HIVEP2: variants seen among roughly 807,000 people sequenced by gnomAD.
HIVEP2 encodes HIVEP zinc finger 2, also known as transcription factor HIVEP2.
In HIVEP2, 14 loss-of-function variants were observed where a neutral mutation model predicts 180.7. That is an observed-to-expected ratio of 0.08 (90% CI 0.05 to 0.12). The LOEUF is 0.12. Among genes scored for constraint, HIVEP2 ranks in the 10% least tolerant of loss-of-function variants. The probability of loss-of-function intolerance (pLI) is 1.00; values close to 1 mark genes in which losing one functional copy is unlikely to be tolerated. For synonymous variants in HIVEP2, 1,184 were observed against 1,136.4 expected (o/e 1.04, Z -0.84); for missense variants, 2,579 against 3,008.5 (o/e 0.86, Z 3.34).
intron 1 of HIVEP2, among the ~76,000 whole-genome samples, chr6:142,913,916 T>C (rs1026639039): frequency 6.6e-6 from 1 of 152,156 alleles, no homozygotes; most frequent in African/African-American, 2.4e-5. Flanking sequence ...CAGCAGCAAG[T>C]TGCACGTTTG....
At chr6:142,886,493 A>G (rs1776702508) in intron 1 of HIVEP2, among the ~76,000 whole-genome samples, 1 of 152,220 alleles carries the variant, frequency 6.6e-6, no homozygotes, top group Admixed American at 6.6e-5. Context: ...ATATCTAAAA[A>G]TGTTCCCTTT....
At chr6:142,809,667 C>A (rs1776640520) in intron 2 of HIVEP2, among the ~76,000 whole-genome samples, 1 of 152,154 alleles carries the variant, frequency 6.6e-6, no homozygotes, top group South Asian at 2.1e-4. Context: ...GATCTCAGCT[C>A]ACTGTAACCT....
chr6:142,830,725 C>T (rs1775054679), intron 2 of HIVEP2, among the ~76,000 whole-genome samples: 1 of 152,154 alleles, frequency 6.6e-6, no homozygotes, highest in African/African-American at 2.4e-5. Flanking sequence ...TCAAATTCAT[C>T]ACACTACTAG....
At chr6:142,849,558 A>G (rs1775597661) in intron 1 of HIVEP2, among the ~76,000 whole-genome samples, 1 of 151,710 alleles carries the variant, frequency 6.6e-6, no homozygotes, top group Non-Finnish European at 1.5e-5. Flanking sequence ...TCTATCACCC[A>G]GGCTGCAGTG....
chr6:142,768,861 C>T (rs943757146), intron 5 of HIVEP2, among the ~76,000 whole-genome samples: 14 of 152,020 alleles, frequency 9.2e-5, no homozygotes, highest in Non-Finnish European at 1.6e-4. Context: ...GCAATGAAAA[C>T]AATCTATATT....
intron 2 of HIVEP2, among the ~76,000 whole-genome samples, chr6:142,786,656 T>C (rs1776006143): frequency 6.6e-6 from 1 of 152,230 alleles, no homozygotes; most frequent in Non-Finnish European, 1.5e-5. Flanking sequence ...AGGTTATTAC[T>C]ATTAAGCTAA....
chr6:142,936,793 T>C (rs1216726265), intron 1 of HIVEP2, among the ~76,000 whole-genome samples: 4 of 151,970 alleles, frequency 2.6e-5, no homozygotes, highest in African/African-American at 9.7e-5. Flanking sequence ...TCTAAATTAG[T>C]CTACTAGAAT....
At chr6:142,763,560 C>T in intron 7 of HIVEP2, among the ~76,000 whole-genome samples, 1 of 152,194 alleles carries the variant, frequency 6.6e-6, no homozygotes, top group East Asian at 1.9e-4. Context: ...AGAGATGTGT[C>T]ATTTCTTCAT....
chr6:142,812,310 G>A (rs1040028535), intron 2 of HIVEP2, among the ~76,000 whole-genome samples: 1 of 152,158 alleles, frequency 6.6e-6, no homozygotes, highest in Non-Finnish European at 1.5e-5. Flanking sequence ...TTCACAAAGG[G>A]CCGCCAGCTC....
At chr6:142,864,422 C>T (rs1776083807) in intron 1 of HIVEP2, among the ~76,000 whole-genome samples, 1 of 152,158 alleles carries the variant, frequency 6.6e-6, no homozygotes, top group Non-Finnish European at 1.5e-5. Context: ...AACTGACATC[C>T]ACATTTTAAC....
At position 142,770,466 on chromosome 6, in the gene HIVEP2, A is replaced by T. The variant is rs759199071; in HGVS notation, c.4273T>A (p.Leu1425Ile). ...LGLESSIPLCLPSTSDSVATL... is the reference protein window; with the variant it reads ...LGLESSIPLCIPSTSDSVATL... ...GCCACGCTGTCAGAGGTGGAAGGTA[A>T]ACACAAGGGGATGGAGGATTCTAAG... The change falls in exon 5 of 10, where the codon TTA becomes ATA. Residue 1425 changes from leucine (L) to isoleucine (I), a missense_variant. Transcript: ENST00000367603. The surrounding 1 kb of genome is among the most constrained non-coding windows in gnomAD (Gnocchi z 4.7). 8 of 1,614,158 alleles carry T rather than the reference A, an allele frequency of 5.0e-6. No homozygotes were observed. The highest frequency in any genetic ancestry group is 6.8e-6 in the Non-Finnish European group (8 of 1,180,032).
chr6:142,945,106 CG>C lies in HIVEP2; in HGVS notation c.-649del, dbSNP rs1227383466. ...GGCCCCCTCCCCCGCTACCTGACAA[CG>C]GGCCGCCGCCGGCCGCCGCAGCCGC... On this transcript the variant is annotated 5_prime_UTR_variant, in exon 1 of 10. An upstream open reading frame in the 5' UTR loses its in-frame stop. Transcript: ENST00000367603. This position sits in a 1 kb window ranked among gnomAD's most constrained non-coding sequence, Gnocchi z 5.5. The C allele has an allele frequency of 6.8e-6, 1 of 147,744 alleles. No individual in the cohort carries two copies. Among genetic ancestry groups the C allele is most frequent in the African/African-American group, 2.4e-5 (1 of 40,952 alleles). 9.2% of individuals were successfully genotyped at this position (147,744 alleles called of 1,614,324 possible). A position where few individuals can be genotyped will look rare whatever the true frequency, so the allele number is the denominator to read the frequency against.
At chr6:142,919,165 C>G (rs553945401) in intron 1 of HIVEP2, among the ~76,000 whole-genome samples, 159 of 152,200 alleles carry the variant, frequency 1.0e-3, no homozygotes, top group African/African-American at 3.7e-3. Context: ...AAAACACAAG[C>G]AGAAAGAAGC....
chr6:142,883,228 T>G (rs115406156), intron 1 of HIVEP2, among the ~76,000 whole-genome samples: 2 of 152,002 alleles, frequency 1.3e-5, no homozygotes, highest in African/African-American at 4.8e-5. Context: ...GAGAAAAGAT[T>G]TGCATATGTA....
chr6:142,820,743 C>G (rs1474715596), intron 2 of HIVEP2, among the ~76,000 whole-genome samples: 1 of 152,094 alleles, frequency 6.6e-6, no homozygotes, highest in South Asian at 2.1e-4. Flanking sequence ...AAATAATGTA[C>G]TGTGCATGCC....
At chr6:142,805,624 A>C (rs919277008) in intron 2 of HIVEP2, among the ~76,000 whole-genome samples, 2 of 152,038 alleles carry the variant, frequency 1.3e-5, no homozygotes, top group Non-Finnish European at 2.9e-5. Flanking sequence ...AGAAAATAGC[A>C]TATGGGAACA....
At chr6:142,759,684 T>A in intron 9 of HIVEP2, 88 bp downstream of exon 9, 1 of 1,005,888 alleles carries the variant, frequency 9.9e-7, no homozygotes, top group East Asian at 2.4e-5. Flanking sequence ...CAGATACCCA[T>A]GTTCTACTAA....
chr6:142,756,167 T>C (rs888183370), intron 9 of HIVEP2, among the ~76,000 whole-genome samples: 21 of 152,198 alleles, frequency 1.4e-4, no homozygotes, highest in Admixed American at 2.6e-4. Context: ...CTATACGCCA[T>C]GTACCAGATC....
intron 1 of HIVEP2, among the ~76,000 whole-genome samples, chr6:142,856,231 T>C (rs961018262): frequency 7.6e-6 from 1 of 131,448 alleles, no homozygotes; most frequent in Non-Finnish European, 1.6e-5. Flanking sequence ...GGAGAATTTA[T>C]GTCTCCCAGT....
Sources: gnomAD v4.1 joint callset for allele counts (sites outside exome capture counted in the v4.1 genomes callset) on GRCh38, gnomAD v4.1.1 for gene constraint, Gnocchi (gnomAD v3.1) non-coding constraint, MANE v1.5 for transcripts, NCBI Gene and HGNC (gene_info 2026-07-23, HGNC 2026-07-21) for gene names.